NLGN1: variants seen among roughly 807,000 people sequenced by gnomAD.
NLGN1 encodes neuroligin-1.
In NLGN1, 12 loss-of-function variants were observed where a neutral mutation model predicts 65.5. The observed-to-expected ratio is 0.18, with a 90% CI of 0.12 to 0.30. The LOEUF (loss-of-function observed/expected upper bound fraction) is 0.30. NLGN1 is among the 10% of genes least tolerant of loss of function. The pLI, the probability that NLGN1 is intolerant of heterozygous loss-of-function variation, is 1.00. For synonymous variants in NLGN1, 350 were observed against 359.5 expected, an observed-to-expected ratio of 0.97 and a Z score of 0.30; for missense variants, 750 against 1,007.1, an observed-to-expected ratio of 0.74 and a Z score of 3.46.
chr3:173,852,920 G>A (rs1433874909), intron 4 of NLGN1, among the ~76,000 whole-genome samples: 3 of 152,184 alleles, frequency 2.0e-5, no homozygotes, highest in African/African-American at 7.2e-5. Context: ...GATACTGATA[G>A]AGCGTAGATA....
intron 2 of NLGN1, among the ~76,000 whole-genome samples, chr3:173,526,168 G>A (rs977433670): frequency 2.0e-5 from 3 of 152,030 alleles, no homozygotes; most frequent in African/African-American, 7.2e-5. Flanking sequence ...GGGTGTTGAA[G>A]TCCCTACTTC....
At chr3:174,089,330 G>A (rs976942440) in intron 4 of NLGN1, among the ~76,000 whole-genome samples, 2 of 152,016 alleles carry the variant, frequency 1.3e-5, no homozygotes, top group African/African-American at 4.8e-5. Context: ...TTCTCAGTAC[G>A]TGGTTCTTCC....
chr3:173,418,996 C>T (rs1192479174), intron 1 of NLGN1, among the ~76,000 whole-genome samples: 3 of 26,840 alleles, frequency 1.1e-4, no homozygotes, highest in African/African-American at 2.7e-4. Flanking sequence ...AGTTTCCTTT[C>T]TGTTCTTTAG....
At chr3:173,982,526 C>G (rs905205682) in intron 4 of NLGN1, among the ~76,000 whole-genome samples, 2 of 152,040 alleles carry the variant, frequency 1.3e-5, no homozygotes, top group Non-Finnish European at 2.9e-5. Flanking sequence ...CAGAGTATAT[C>G]ACGGACGTAA....
At chr3:174,127,427 G>T (rs187327441) in intron 4 of NLGN1, among the ~76,000 whole-genome samples, 1 of 151,934 alleles carries the variant, frequency 6.6e-6, no homozygotes, top group African/African-American at 2.4e-5. Flanking sequence ...TTTTTTACTC[G>T]TAATAGCTAA....
chr3:173,501,300 A>T (rs780653568), intron 2 of NLGN1, among the ~76,000 whole-genome samples: 1 of 151,800 alleles, frequency 6.6e-6, no homozygotes, highest in Non-Finnish European at 1.5e-5. Context: ...GTTCCCCTCC[A>T]TGTGTCAATG....
At chr3:174,259,930 C>T (rs1332626620) in intron 4 of NLGN1, among the ~76,000 whole-genome samples, 7 of 141,860 alleles carry the variant, frequency 4.9e-5, no homozygotes, top group East Asian at 2.1e-4. Context: ...TGAGAATATA[C>T]GGTGTTTGGT....
At chr3:174,277,851 A>C (rs755266440) in intron 5 of NLGN1, among the ~76,000 whole-genome samples, 40 of 151,966 alleles carry the variant, frequency 2.6e-4, no homozygotes, top group Non-Finnish European at 5.2e-4. Context: ...ATACATATGA[A>C]TAATTAAGCA....
chr3:174,253,648 C>T (rs956678215), intron 4 of NLGN1, among the ~76,000 whole-genome samples: 12 of 152,102 alleles, frequency 7.9e-5, no homozygotes, highest in Non-Finnish European at 1.5e-4. Flanking sequence ...ACTTGTCACC[C>T]GGACATGAAA....
intron 3 of NLGN1, among the ~76,000 whole-genome samples, chr3:173,734,003 G>A (rs564085064): frequency 3.3e-5 from 5 of 151,896 alleles, no homozygotes; most frequent in South Asian, 2.1e-4. Context: ...TAATATTACC[G>A]GTTATCTAGT....
chr3:173,685,987 A>G (rs1764629137), intron 3 of NLGN1, among the ~76,000 whole-genome samples: 1 of 152,182 alleles, frequency 6.6e-6, no homozygotes, highest in South Asian at 2.1e-4. Flanking sequence ...GGGAGAAGAA[A>G]AGGCATGGCA....
intron 3 of NLGN1, among the ~76,000 whole-genome samples, chr3:173,770,490 A>G (rs1461835212): frequency 6.6e-6 from 1 of 152,104 alleles, no homozygotes; most frequent in Non-Finnish European, 1.5e-5. Context: ...CTTTGTTGCT[A>G]CCCCCTGATA....
chr3:174,192,392 C>T (rs761368417), intron 4 of NLGN1, among the ~76,000 whole-genome samples: 21 of 152,172 alleles, frequency 1.4e-4, no homozygotes, highest in Middle Eastern at 3.4e-3. Context: ...CAACTAGTTG[C>T]TTCGGTGTTC....
At chr3:174,173,134 A>T (rs1728851141) in intron 4 of NLGN1, among the ~76,000 whole-genome samples, 1 of 152,060 alleles carries the variant, frequency 6.6e-6, no homozygotes, top group Admixed American at 6.6e-5. Context: ...GGCATATAGA[A>T]ATGCCACTGA....
intron 2 of NLGN1, among the ~76,000 whole-genome samples, chr3:173,515,984 T>C (rs923940713): frequency 6.6e-6 from 1 of 152,028 alleles, no homozygotes; most frequent in South Asian, 2.1e-4. Flanking sequence ...ATTTTATCAA[T>C]TTTTTTCTAC....
chr3:173,419,928 G>A (rs776131093), intron 1 of NLGN1, among the ~76,000 whole-genome samples: 1 of 150,900 alleles, frequency 6.6e-6, no homozygotes, highest in Non-Finnish European at 1.5e-5. Context: ...AGCCGAGATC[G>A]CACCATTGCA....
chr3:173,654,936 A>G (rs1204070711), intron 3 of NLGN1, among the ~76,000 whole-genome samples: 1 of 152,190 alleles, frequency 6.6e-6, no homozygotes, highest in Non-Finnish European at 1.5e-5. Context: ...TAGTGTATAC[A>G]GTGTGGTCAC....
chr3:173,514,169 A>T (rs1172352222), intron 2 of NLGN1, among the ~76,000 whole-genome samples: 1 of 152,216 alleles, frequency 6.6e-6, no homozygotes, highest in Non-Finnish European at 1.5e-5. Context: ...GTATGTTTTT[A>T]AAAGTCATAC....
intron 4 of NLGN1, among the ~76,000 whole-genome samples, chr3:173,976,697 A>G (rs1448499635): frequency 1.3e-5 from 2 of 152,072 alleles, no homozygotes; most frequent in Non-Finnish European, 2.9e-5. Context: ...GCATGATTCT[A>G]CAAGCCAATG....
Sources: gnomAD v4.1 joint callset for allele counts (sites outside exome capture counted in the v4.1 genomes callset) on GRCh38, gnomAD v4.1.1 for gene constraint, MANE v1.5 for transcripts, NCBI Gene and HGNC (gene_info 2026-07-23, HGNC 2026-07-21) for gene names.